ADARB2: variants seen among roughly 807,000 people sequenced by gnomAD.
ADARB2 encodes the protein inactive double-stranded RNA-specific editase B2.
A neutral mutation model predicts 62.2 loss-of-function variants in ADARB2; 25 were observed. The ratio of observed to expected loss-of-function variants is 0.40; its 90% CI spans 0.29 to 0.56. The LOEUF is 0.56. Ranked by LOEUF, ADARB2 falls within the 20% of genes least tolerant of loss-of-function variation. ADARB2 has a pLI of 0.43. For synonymous variants in ADARB2, 572 were observed against 500.8 expected (o/e 1.14, Z -1.90); for missense variants, 1,071 against 1,077.4 (o/e 0.99, Z 0.08).
At chr10:1,679,046 G>A (rs1834503682) in intron 1 of ADARB2, among the ~76,000 whole-genome samples, 1 of 152,218 alleles carries the variant, frequency 6.6e-6, no homozygotes, top group Admixed American at 6.5e-5. Context: ...GTCACGATTT[G>A]GGGCAATTCT....
intron 1 of ADARB2, among the ~76,000 whole-genome samples, chr10:1,682,698 G>A (rs1269819622): frequency 6.6e-6 from 1 of 152,256 alleles, no homozygotes; most frequent in Non-Finnish European, 1.5e-5. Context: ...CCAGAGAGCA[G>A]AGGGGTCCCC....
intron 1 of ADARB2, among the ~76,000 whole-genome samples, chr10:1,676,760 A>G (rs1834471180): frequency 6.8e-6 from 1 of 147,786 alleles, no homozygotes. Context: ...CCCTACTTCC[A>G]CGGACACTCG....
intron 1 of ADARB2, among the ~76,000 whole-genome samples, chr10:1,447,862 A>G (rs11250526): frequency 0.85 from 129,747 of 152,202 alleles, 56,393 homozygotes; most frequent in Non-Finnish European, 0.93. Context: ...AGTTTGCTTA[A>G]GATCATGGCC....
chr10:1,217,107 T>C lies in ADARB2; in HGVS notation c.1526A>G (p.Lys509Arg). 3 of 1,598,770 alleles carry C rather than the reference T, an allele frequency of 1.9e-6. No individual in the cohort carries two copies. The highest frequency in any genetic ancestry group is 2.6e-6 in the Non-Finnish European group (3 of 1,173,160). The change falls in exon 7 of 10, where the codon AAA (lysine) becomes AGA (arginine). Residue 509 changes from lysine (K) to arginine (R), a missense_variant. Physicochemically the swap from Lys to Arg is conservative, Grantham distance 26 (BLOSUM62 2). Coordinates refer to ENST00000381312, the MANE Select transcript of ADARB2 (RefSeq NM_018702.4). The stretch of plus-strand genomic sequence containing the variant: ...CCCGCGGAACTTCCTGACGAGGTGT[T>C]TGCTGCTGTGCACTAGGAGATAAAA... ...YEITTDLHSS[K>R]HLVRKFRGHL...
chr10:1,466,672 G>A (rs1005682829), intron 1 of ADARB2, among the ~76,000 whole-genome samples: 9 of 152,112 alleles, frequency 5.9e-5, no homozygotes, highest in African/African-American at 1.4e-4. Context: ...CTGCCGTGGG[G>A]ACTAATTCCC....
intron 1 of ADARB2, among the ~76,000 whole-genome samples, chr10:1,446,125 C>T (rs1830965822): frequency 6.6e-6 from 1 of 152,150 alleles, no homozygotes; most frequent in African/African-American, 2.4e-5. Context: ...TGGACCAGGA[C>T]AAGAAGGCTG....
intron 1 of ADARB2, among the ~76,000 whole-genome samples, chr10:1,509,626 C>G (rs1831895644): frequency 6.6e-6 from 1 of 152,188 alleles, no homozygotes; most frequent in African/African-American, 2.4e-5. Flanking sequence ...TTCATTGACT[C>G]ACAGAAGAGG....
chr10:1,481,184 G>C (rs756778271), intron 1 of ADARB2, among the ~76,000 whole-genome samples: 2 of 152,204 alleles, frequency 1.3e-5, no homozygotes, highest in Non-Finnish European at 2.9e-5. Context: ...AATGAATTTT[G>C]ACAAAGGTGC....
chr10:1,299,775 A>C (rs1241879962), intron 3 of ADARB2, among the ~76,000 whole-genome samples: 2 of 152,220 alleles, frequency 1.3e-5, no homozygotes, highest in African/African-American at 4.8e-5. Context: ...ATGCAGCAGC[A>C]GCCTTTGGTT....
At position 1,514,295 on chromosome 10, in the gene ADARB2, C is replaced by T. The variant is rs376536723; in HGVS notation, c.101-135135G>A. Among the ~76,000 whole-genome samples, 21 of 150,946 alleles carry T rather than the reference C, an allele frequency of 1.4e-4. No homozygotes were observed. In the South Asian group the frequency reaches 2.1e-3, roughly 15 times the overall value. ...TGAATGTTCAGAAGGACGGCTCTGA[C>T]GCTTTGGGACAGTAGTCGGGGAATC... On this transcript the variant is annotated intron_variant, in intron 1 of 9. Coordinates refer to ENST00000381312, the MANE Select transcript of ADARB2 (RefSeq NM_018702.4).
At chr10:1,492,744 C>T (rs1564306822) in intron 1 of ADARB2, among the ~76,000 whole-genome samples, 1 of 151,982 alleles carries the variant, frequency 6.6e-6, no homozygotes, top group Non-Finnish European at 1.5e-5. Flanking sequence ...TTCTGAGTCT[C>T]ACAATCAGAA....
chr10:1,645,279 G>A (rs919630164), intron 1 of ADARB2, among the ~76,000 whole-genome samples: 6 of 152,156 alleles, frequency 3.9e-5, no homozygotes, highest in African/African-American at 1.2e-4. Context: ...CCACTGGATG[G>A]GCTCTAAAGC....
At chr10:1,430,201 A>C (rs1357634404) in intron 1 of ADARB2, among the ~76,000 whole-genome samples, 2 of 152,232 alleles carry the variant, frequency 1.3e-5, no homozygotes, top group African/African-American at 4.8e-5. Context: ...GTAGTTGCAT[A>C]CTGAGATACA....
chr10:1,586,849 C>T (rs985393636), intron 1 of ADARB2, among the ~76,000 whole-genome samples: 2 of 152,078 alleles, frequency 1.3e-5, no homozygotes, highest in Non-Finnish European at 2.9e-5. Flanking sequence ...ATATAAAACG[C>T]CTCCTTTATT....
At chr10:1,483,266 C>T (rs1831498785) in intron 1 of ADARB2, among the ~76,000 whole-genome samples, 1 of 152,148 alleles carries the variant, frequency 6.6e-6, no homozygotes, top group Admixed American at 6.5e-5. Context: ...CATATTTCAA[C>T]ACGTTTCTGT....
chr10:1,646,702 T>C (rs1320130116), intron 1 of ADARB2, among the ~76,000 whole-genome samples: 3 of 152,250 alleles, frequency 2.0e-5, no homozygotes, highest in Non-Finnish European at 4.4e-5. Context: ...TTCACCATTT[T>C]GCTATAGCTC....
intron 8 of ADARB2, chr10:1,199,710 C>G (rs1211063896): frequency 2.3e-6 from 1 of 432,150 alleles, no homozygotes; most frequent in Non-Finnish European, 4.0e-6. Flanking sequence ...TTTCAGAACT[C>G]CTTCAGACAC....
intron 3 of ADARB2, among the ~76,000 whole-genome samples, chr10:1,287,602 TTTTGGACCC>T (rs1490056524): frequency 1.3e-5 from 2 of 152,214 alleles, no homozygotes; most frequent in Admixed American, 1.3e-4. Flanking sequence ...GCTGGGTAGA[TTTTGGACCC>T]AAAGCCAACC....
At chr10:1,470,661 C>T (rs6560737) in intron 1 of ADARB2, among the ~76,000 whole-genome samples, 22,663 of 152,132 alleles carry the variant, frequency 0.15, 2,062 homozygotes, top group Non-Finnish European at 0.21. Context: ...TGTAGTGTAA[C>T]GTGTAAATGA....
Sources: allele counts gnomAD v4.1 joint callset (sites outside exome capture counted in the v4.1 genomes callset), GRCh38; gene constraint gnomAD v4.1.1; transcripts MANE v1.5; gene names NCBI Gene and HGNC (gene_info 2026-07-23, HGNC 2026-07-21).